Variants in RETREG1 observed in about 807,000 individuals in gnomAD.
RETREG1 encodes family with sequence similarity 134 member B.
RETREG1 carries 44 observed loss-of-function variants against 54.8 expected under a neutral mutation model. The observed-to-expected ratio is 0.80, with a 90% CI of 0.63 to 1.03. The LOEUF (loss-of-function observed/expected upper bound fraction) is 1.03, where lower values mean the gene tolerates loss of function less well. Among genes scored for constraint, RETREG1 ranks in the 50% least tolerant of loss-of-function variants. The probability of loss-of-function intolerance (pLI) is 0.00; values close to 1 mark genes in which losing one functional copy is unlikely to be tolerated. For missense variants in RETREG1, 554 were observed against 605.1 expected, an observed-to-expected ratio of 0.92 and a Z score of 0.89; for synonymous variants, 217 against 238.5, an observed-to-expected ratio of 0.91 and a Z score of 0.83.
intron 1 of RETREG1, among the ~76,000 whole-genome samples, chr5:16,591,276 A>G (rs927804462): frequency 2.0e-5 from 3 of 152,200 alleles, no homozygotes; most frequent in African/African-American, 7.2e-5. Flanking sequence ...GAAGAATACA[A>G]ACTAACACAG....
At chr5:16,490,099 G>T (rs1041666580) in intron 3 of RETREG1, among the ~76,000 whole-genome samples, 2 of 152,074 alleles carry the variant, frequency 1.3e-5, no homozygotes, top group Non-Finnish European at 2.9e-5. Context: ...AGAGAGGGAG[G>T]GAGAAAGTAT....
chr5:16,582,176 G>A (rs77463763), intron 1 of RETREG1, among the ~76,000 whole-genome samples: 56 of 152,186 alleles, frequency 3.7e-4, no homozygotes, highest in African/African-American at 1.3e-3. Context: ...AAGACATACT[G>A]TGTGGTTTAG....
At chr5:16,606,927 C>G (rs1038209600) in intron 1 of RETREG1, among the ~76,000 whole-genome samples, 1 of 152,146 alleles carries the variant, frequency 6.6e-6, no homozygotes, top group South Asian at 2.1e-4. Flanking sequence ...CTCACCCAGC[C>G]CCAGCCACAA....
intron 1 of RETREG1, among the ~76,000 whole-genome samples, chr5:16,578,121 G>A (rs1579702692): frequency 6.6e-6 from 1 of 152,212 alleles, no homozygotes; most frequent in Middle Eastern, 3.4e-3. Context: ...TCTTATTCAG[G>A]TCGCCTCTCA....
chr5:16,497,769 C>T (rs1405398932), intron 3 of RETREG1, among the ~76,000 whole-genome samples: 1 of 152,152 alleles, frequency 6.6e-6, no homozygotes, highest in Non-Finnish European at 1.5e-5. Context: ...CCAGAAATTT[C>T]CCAACAAGGC....
chr5:16,611,622 T>C (rs1475477101), intron 1 of RETREG1, among the ~76,000 whole-genome samples: 1 of 152,224 alleles, frequency 6.6e-6, no homozygotes, highest in Non-Finnish European at 1.5e-5. Context: ...TGTTTTCCAA[T>C]AGCTTTATTC....
At chr5:16,583,031 C>T (rs532841198) in intron 1 of RETREG1, among the ~76,000 whole-genome samples, 1 of 152,290 alleles carries the variant, frequency 6.6e-6, no homozygotes, top group South Asian at 2.1e-4. Flanking sequence ...TCTGTGCCTG[C>T]TCAGGCTCAG....
rs188685506 is a variant in RETREG1 at position 16,597,393 on chromosome 5, C to T, written c.320+19259G>A. On this transcript the variant is annotated intron_variant, in intron 1 of 8. Transcript: ENST00000306320. The surrounding 1 kb of genome is among the most constrained non-coding windows in gnomAD (Gnocchi z 4.3). The stretch of plus-strand genomic sequence containing the variant: ...ACATTATCCTTATTCACTGATTTGT[C>T]ACTGTACCTTCATCATTAAATCCAA... 6.6e-6 allele frequency among the ~76,000 whole-genome samples: 1 copy of T among 152,334 alleles called. No homozygotes were observed. The highest frequency in any genetic ancestry group is 2.4e-5 in the African/African-American group (1 of 41,580).
At chr5:16,570,669 C>T (rs76381161) in intron 2 of RETREG1, among the ~76,000 whole-genome samples, 1,576 of 152,248 alleles carry the variant, frequency 0.01, 31 homozygotes, top group African/African-American at 0.036. Context: ...TGAGTCAAGG[C>T]AGATAAATAA....
chr5:16,513,482 C>T (rs982326845), intron 3 of RETREG1, among the ~76,000 whole-genome samples: 1 of 152,174 alleles, frequency 6.6e-6, no homozygotes, highest in Non-Finnish European at 1.5e-5. Context: ...TCAAGAACTC[C>T]ATGCCCCAAT....
chr5:16,595,800 G>A (rs1487488251), intron 1 of RETREG1, among the ~76,000 whole-genome samples: 1 of 152,184 alleles, frequency 6.6e-6, no homozygotes, highest in Non-Finnish European at 1.5e-5. Context: ...ACAACGGCCT[G>A]AATCTCACAG....
At chr5:16,565,652 T>C in intron 3 of RETREG1, 111 bp downstream of exon 3, 1 of 1,177,544 alleles carries the variant, frequency 8.5e-7, no homozygotes, top group Non-Finnish European at 1.3e-6. Context: ...AAATTACTCT[T>C]GGATTTAGAT....
At chr5:16,489,482 T>C (rs530639739) in intron 3 of RETREG1, among the ~76,000 whole-genome samples, 3 of 152,214 alleles carry the variant, frequency 2.0e-5, no homozygotes, top group Non-Finnish European at 2.9e-5. Flanking sequence ...ATTGTAATTC[T>C]GTAAGACAGA....
intron 2 of RETREG1, among the ~76,000 whole-genome samples, chr5:16,571,506 T>A (rs1742172153): frequency 6.7e-6 from 1 of 149,558 alleles, no homozygotes; most frequent in African/African-American, 2.5e-5. Context: ...CAGGCCAATT[T>A]TTTTTTTTTT....
rs1356877694 is a variant in RETREG1 at position 16,473,081 on chromosome 5, T to C, written c.*1660A>G. 6.6e-6 allele frequency: 1 copy of C among 152,396 alleles called. No individual in the cohort carries two copies. 9.4% of individuals were successfully genotyped at this position (152,396 alleles called of 1,614,324 possible). ...TATAAATATGTAACTGTATTTTTCTTCCTGTCCAGAAACTGTTATTGAATA... is the reference window on the plus strand; with the variant it reads ...TATAAATATGTAACTGTATTTTTCTCCCTGTCCAGAAACTGTTATTGAATA... On this transcript the variant is annotated 3_prime_UTR_variant, in exon 9 of 9. Transcript: ENST00000306320.
In RETREG1 at chr5:16,566,064, G is replaced by A. The variant is rs74367201; in HGVS notation, c.428-271C>T. Among the ~76,000 whole-genome samples the A allele has an allele frequency of 9.9e-3, 1,511 of 152,212 alleles. 17 individuals are homozygous for A. The highest frequency in any genetic ancestry group is 0.034 in the African/African-American group (1,405 of 41,526). ...CTCTATAATACATGGACCCTGCCTC[G>A]GGGACTTCATTGTCCCCTGGGGCAG... On this transcript the variant is annotated intron_variant, in intron 2 of 8. Transcript: ENST00000306320.
chr5:16,475,295 C>T (rs1579575954), intron 8 of RETREG1, 61 bp from the exon 9 acceptor site: 1 of 1,577,210 alleles, frequency 6.3e-7, no homozygotes, highest in East Asian at 2.3e-5. Flanking sequence ...AATAAAAGTG[C>T]TGTCTAAAGA....
Position 16,543,997 on chromosome 5 carries a change from C to T in RETREG1, c.458+21766G>A, listed in dbSNP as rs914255181. ...TTTTTTTTTTTTTTTTTTTTGGAGA[C>T]GGAGTCTCACTCTTGTCACCCAGGC... On this transcript the variant is annotated intron_variant, in intron 3 of 8. Coordinates refer to ENST00000306320, the MANE Select transcript of RETREG1 (RefSeq NM_001034850.3). Among the ~76,000 whole-genome samples the T allele has an allele frequency of 7.0e-5, 8 of 113,622 alleles. No homozygotes were observed. In the East Asian group the frequency reaches 9.0e-4, roughly 13 times the overall value. 74.5% of individuals were successfully genotyped at this position (113,622 alleles called of 152,430 possible). A position where few individuals can be genotyped will look rare whatever the true frequency, so the allele number is the denominator to read the frequency against.
rs1211434725 is a variant in RETREG1 at position 16,481,022 on chromosome 5, G to A, written c.657C>T (p.Leu219=). 1.2e-6 allele frequency: 2 copies of A among 1,609,840 alleles called. No individual in the cohort carries two copies. Among genetic ancestry groups the A allele is most frequent in the Non-Finnish European group, 1.7e-6 (2 of 1,176,654 alleles). The change falls in exon 5 of 9, where the codon CTC becomes CTT. Residue 219 remains leucine (L), a synonymous_variant. Transcript: ENST00000306320. ...TACTATACTTACACAGTAGATAGCT[G>A]AGTATAACCCCAGGAATGTAACTTC... ...ILGSYIPGVI[L]SYLLLLCAFL...
Sources: allele counts gnomAD v4.1 joint callset (sites outside exome capture counted in the v4.1 genomes callset), GRCh38; gene constraint gnomAD v4.1.1; non-coding constraint Gnocchi (gnomAD v3.1); transcripts MANE v1.5; gene names NCBI Gene and HGNC (gene_info 2026-07-23, HGNC 2026-07-21).